Variants in LOC400499 observed in about 807,000 individuals in gnomAD.
At chr16:11,374,711 T>G in the LOC400499 span, among the ~76,000 whole-genome samples, 1 of 152,190 alleles carries the variant, frequency 6.6e-6, no homozygotes, top group East Asian at 1.9e-4. Flanking sequence ...GAGACCACAT[T>G]TATCTGTCAG....
At chr16:11,392,224 G>A in the LOC400499 span, 5 of 398,888 alleles carry the variant, frequency 1.3e-5, no homozygotes, top group African/African-American at 1.0e-4. Context: ...GGGCACAGCT[G>A]GACCCCAAGG....
the LOC400499 span, among the ~76,000 whole-genome samples, chr16:11,486,138 G>A: frequency 3.4e-5 from 5 of 146,176 alleles, no homozygotes; most frequent in Non-Finnish European, 7.5e-5. Flanking sequence ...TGATGGGTGG[G>A]TAGACGAATG....
At chr16:11,382,658 G>C in the LOC400499 span, among the ~76,000 whole-genome samples, 1 of 152,048 alleles carries the variant, frequency 6.6e-6, no homozygotes, top group African/African-American at 2.4e-5. Context: ...TCAAATCCCT[G>C]ATGAGGCTGG....
chr16:11,406,002 G>A, the LOC400499 span, among the ~76,000 whole-genome samples: 15 of 152,084 alleles, frequency 9.9e-5, no homozygotes, highest in Non-Finnish European at 1.9e-4. Flanking sequence ...TGTTCCCTCT[G>A]CCTGGAATAC....
the LOC400499 span, among the ~76,000 whole-genome samples, chr16:11,431,724 T>C: frequency 6.6e-6 from 1 of 152,154 alleles, no homozygotes; most frequent in Non-Finnish European, 1.5e-5. Flanking sequence ...ATATTGATAT[T>C]GATACTGACA....
At chr16:11,500,665 G>A in the LOC400499 span, 5 of 396,624 alleles carry the variant, frequency 1.3e-5, no homozygotes, top group African/African-American at 6.2e-5. Flanking sequence ...CAGAAGCCCA[G>A]GAGGATGGGT....
At chr16:11,489,936 G>C in the LOC400499 span, among the ~76,000 whole-genome samples, 1 of 152,206 alleles carries the variant, frequency 6.6e-6, no homozygotes, top group Non-Finnish European at 1.5e-5. Context: ...GTTTGTGGTT[G>C]TTGCTTCTAA....
chr16:11,460,968 G>C, the LOC400499 span: 1 of 1,532,968 alleles, frequency 6.5e-7, no homozygotes, highest in East Asian at 2.4e-5. Context: ...CCTTACCCAG[G>C]AGGCTGTACT....
the LOC400499 span, among the ~76,000 whole-genome samples, chr16:11,411,702 G>A: frequency 6.6e-6 from 1 of 152,104 alleles, no homozygotes. Context: ...CCATCAATGA[G>A]CTTTCTTGGG....
the LOC400499 span, among the ~76,000 whole-genome samples, chr16:11,394,920 C>A: frequency 5.3e-5 from 8 of 152,222 alleles, no homozygotes; most frequent in Non-Finnish European, 1.0e-4. Context: ...TTGCATTAAG[C>A]CTTCCAGTTG....
the LOC400499 span, among the ~76,000 whole-genome samples, chr16:11,506,905 G>C: frequency 3.3e-5 from 5 of 152,190 alleles, no homozygotes; most frequent in African/African-American, 1.2e-4. Context: ...GGTGTGCACC[G>C]ATGTGTCCCT....
chr16:11,503,895 T>A, the LOC400499 span, among the ~76,000 whole-genome samples: 2 of 152,148 alleles, frequency 1.3e-5, no homozygotes, highest in Non-Finnish European at 2.9e-5. Context: ...GTTTGGGGCG[T>A]CTATCCAAAA....
chr16:11,399,789 T>A, the LOC400499 span: 1 of 398,768 alleles, frequency 2.5e-6, no homozygotes, highest in Non-Finnish European at 4.4e-6. Context: ...GCGTCGCAGG[T>A]TGTCCTCTGT....
chr16:11,413,016 G>C, the LOC400499 span: 1 of 398,818 alleles, frequency 2.5e-6, no homozygotes, highest in Non-Finnish European at 4.4e-6. Context: ...TCACAGGCTG[G>C]GTGGGGACCC....
the LOC400499 span, chr16:11,484,956 G>C: frequency 3.4e-4 from 136 of 399,414 alleles, no homozygotes; most frequent in East Asian, 4.7e-3. Context: ...GCAGGCCCTG[G>C]TTCTGGCCCT....
chr16:11,495,344 C>G, the LOC400499 span, among the ~76,000 whole-genome samples: 3 of 152,058 alleles, frequency 2.0e-5, no homozygotes, highest in Admixed American at 6.6e-5. Flanking sequence ...CACAGCTGCT[C>G]CCTGCCCCAG....
the LOC400499 span, chr16:11,387,104 G>GACTC: frequency 8.1e-7 from 1 of 1,232,408 alleles, no homozygotes; most frequent in Non-Finnish European, 1.0e-6. Flanking sequence ...CCCGGGGCAG[G>GACTC]ACTCACATTC....
At chr16:11,485,269 A>C in the LOC400499 span, among the ~76,000 whole-genome samples, 3 of 152,162 alleles carry the variant, frequency 2.0e-5, no homozygotes, top group Admixed American at 2.0e-4. Context: ...TACTTGGTAG[A>C]TGCCACACGG....
the LOC400499 span, among the ~76,000 whole-genome samples, chr16:11,479,377 C>T: frequency 6.6e-6 from 1 of 151,856 alleles, no homozygotes; most frequent in African/African-American, 2.4e-5. Flanking sequence ...ACTAGGGAGG[C>T]CGAGAAAAGA....
Sources: gnomAD v4.1 joint callset for allele counts (sites outside exome capture counted in the v4.1 genomes callset) on GRCh38, gnomAD v4.1.1 for gene constraint, MANE v1.5 for transcripts.